The following LINGO2 variants were observed in gnomAD, a reference collection of about 807,000 sequenced individuals.
LINGO2 encodes the protein leucine rich repeat and Ig domain containing 2.
Under a neutral mutation model 30.6 loss-of-function variants are expected in LINGO2, and 14 were observed. That is an observed-to-expected ratio of 0.46 (90% CI 0.30 to 0.72). The LOEUF (loss-of-function observed/expected upper bound fraction) is 0.72. Among genes scored for constraint, LINGO2 ranks in the 30% least tolerant of loss-of-function variants. The probability of loss-of-function intolerance (pLI) is 0.07; values close to 1 mark genes in which losing one functional copy is unlikely to be tolerated. For missense variants in LINGO2, 729 were observed against 751.7 expected (o/e 0.97, Z 0.35); for synonymous variants, 317 against 288.5 (o/e 1.10, Z -1.00).
At chr9:28,740,049 T>C in the LINGO2 span, among the ~76,000 whole-genome samples, 1 of 151,610 alleles carries the variant, frequency 6.6e-6, no homozygotes, top group Non-Finnish European at 1.5e-5. Context: ...ATATATGTGT[T>C]AATTTCCTTT....
chr9:28,860,964 T>C, the LINGO2 span, among the ~76,000 whole-genome samples: 2 of 132,974 alleles, frequency 1.5e-5, no homozygotes, highest in African/African-American at 5.6e-5. Context: ...ATATATTATA[T>C]ATCATTAATA....
At chr9:28,597,198 T>C (rs1205166329) in intron 1 of LINGO2, among the ~76,000 whole-genome samples, 1 of 152,032 alleles carries the variant, frequency 6.6e-6, no homozygotes, top group African/African-American at 2.4e-5. Flanking sequence ...AAGCATGGGG[T>C]AAGGCATCTA....
At chr9:28,199,610 T>A (rs1046197260) in intron 4 of LINGO2, among the ~76,000 whole-genome samples, 4 of 152,264 alleles carry the variant, frequency 2.6e-5, no homozygotes, top group Non-Finnish European at 2.9e-5. Flanking sequence ...AGTGTTGGGA[T>A]TACAGGCGTG....
At chr9:29,098,289 G>C in the LINGO2 span, among the ~76,000 whole-genome samples, 1 of 152,118 alleles carries the variant, frequency 6.6e-6, no homozygotes, top group Admixed American at 6.6e-5. Flanking sequence ...GTAACTGCAA[G>C]CAAGCACTGC....
chr9:28,550,251 G>T (rs1474268536), intron 1 of LINGO2, among the ~76,000 whole-genome samples: 3 of 151,586 alleles, frequency 2.0e-5, no homozygotes, highest in African/African-American at 7.3e-5. Flanking sequence ...ATACACATGG[G>T]ATCTTTTCAT....
chr9:28,637,390 G>A (rs1237918815), intron 1 of LINGO2, among the ~76,000 whole-genome samples: 1 of 152,138 alleles, frequency 6.6e-6, no homozygotes, highest in Non-Finnish European at 1.5e-5. Context: ...GGATGGCATT[G>A]AATCTATAAA....
At chr9:28,046,062 T>A (rs947026915) in intron 4 of LINGO2, among the ~76,000 whole-genome samples, 11 of 152,158 alleles carry the variant, frequency 7.2e-5, no homozygotes, top group African/African-American at 2.7e-4. Context: ...ATGTGAGGCA[T>A]CCATCCGTTT....
At chr9:28,447,090 T>C (rs1304296970) in intron 2 of LINGO2, among the ~76,000 whole-genome samples, 1 of 152,196 alleles carries the variant, frequency 6.6e-6, no homozygotes, top group Non-Finnish European at 1.5e-5. Context: ...TGTCACTTTC[T>C]TAGAGAATCC....
At chr9:28,684,291 C>T in the LINGO2 span, among the ~76,000 whole-genome samples, 815 of 139,630 alleles carry the variant, frequency 5.8e-3, 6 homozygotes, top group Non-Finnish European at 7.2e-3. Flanking sequence ...AGGTTCACGC[C>T]ATTCTCCTGC....
chr9:28,070,874 C>T (rs979986242), intron 4 of LINGO2, among the ~76,000 whole-genome samples: 1 of 152,024 alleles, frequency 6.6e-6, no homozygotes, highest in Non-Finnish European at 1.5e-5. Context: ...ATCATGTCTG[C>T]CTATTTTTTA....
rs1563879248 is a variant in LINGO2 at position 28,632,879 on chromosome 9, TGTAGAGAGAGAGAG to T, written c.-365+37307_-365+37320del. On this transcript the variant is annotated intron_variant, in intron 1 of 5. Coordinates refer to ENST00000379992, the Ensembl canonical transcript of LINGO2. ...TTTTATATATATATATATATATATA[TGTAGAGAGAGAGAG>T]AGAGAGAGAGAGAGAGAGAGGAGTT... 1.6e-3 allele frequency among the ~76,000 whole-genome samples: 133 copies of T among 80,828 alleles called. 1 individual carries two copies. The East Asian group carries it at 0.034, about 21-fold the overall frequency. 53.0% of individuals were successfully genotyped at this position (80,828 alleles called of 152,430 possible).
chr9:28,200,355 A>AT (rs1252477499), intron 4 of LINGO2, among the ~76,000 whole-genome samples: 1 of 152,160 alleles, frequency 6.6e-6, no homozygotes, highest in East Asian at 1.9e-4. Flanking sequence ...GGGAAAAAAA[A>AT]GCCTCCAAAT....
intron 4 of LINGO2, among the ~76,000 whole-genome samples, chr9:28,209,429 G>A (rs545972833): frequency 4.0e-5 from 6 of 151,684 alleles, no homozygotes; most frequent in African/African-American, 9.7e-5. Flanking sequence ...TACTGCAGGT[G>A]GTCTCATGAA....
chr9:28,579,836 A>T (rs1445802874), intron 1 of LINGO2, among the ~76,000 whole-genome samples: 1 of 152,120 alleles, frequency 6.6e-6, no homozygotes, highest in African/African-American at 2.4e-5. Context: ...GTATAGCGGG[A>T]GAACAACAGT....
intron 1 of LINGO2, among the ~76,000 whole-genome samples, chr9:28,559,568 A>T (rs1199747491): frequency 6.6e-6 from 1 of 152,088 alleles, no homozygotes; most frequent in African/African-American, 2.4e-5. Flanking sequence ...ATGACTGTGT[A>T]ATAATGGAAT....
chr9:28,835,142 G>C, the LINGO2 span, among the ~76,000 whole-genome samples: 3 of 152,180 alleles, frequency 2.0e-5, no homozygotes, highest in Admixed American at 6.5e-5. Context: ...GGTGAGAGTT[G>C]GCATCTCTGA....
chr9:28,873,795 T>A, the LINGO2 span, among the ~76,000 whole-genome samples: 4 of 152,134 alleles, frequency 2.6e-5, no homozygotes, highest in Non-Finnish European at 4.4e-5. Flanking sequence ...TGTTTATGCA[T>A]CTGTGTACCT....
At chr9:28,181,869 T>C (rs1007866891) in intron 4 of LINGO2, among the ~76,000 whole-genome samples, 3 of 152,144 alleles carry the variant, frequency 2.0e-5, no homozygotes, top group Admixed American at 2.0e-4. Context: ...ATCAACATCA[T>C]GAAAATGGCC....
the LINGO2 span, among the ~76,000 whole-genome samples, chr9:28,766,276 A>T: frequency 6.6e-6 from 1 of 152,024 alleles, no homozygotes; most frequent in Admixed American, 6.6e-5. Context: ...AATTTAAAAA[A>T]AGGGCAAAGG....
Sources: gnomAD v4.1 joint callset for allele counts (sites outside exome capture counted in the v4.1 genomes callset) on GRCh38, gnomAD v4.1.1 for gene constraint, MANE v1.5 for transcripts, NCBI Gene and HGNC (gene_info 2026-07-23, HGNC 2026-07-21) for gene names.